The following SFPQ variants were observed in gnomAD, a reference collection of about 807,000 sequenced individuals.
SFPQ encodes the protein splicing factor, proline- and glutamine-rich.
In SFPQ, 11 loss-of-function variants were observed where a neutral mutation model predicts 72.9. That is an observed-to-expected ratio of 0.15 (90% CI 0.09 to 0.25). The LOEUF is 0.25. Ranked by LOEUF, SFPQ falls within the 10% of genes least tolerant of loss-of-function variation. SFPQ has a pLI of 1.00. For synonymous variants in SFPQ, 506 were observed against 367.3 expected, an observed-to-expected ratio of 1.38 and a Z score of -4.32; for missense variants, 847 against 993.3, an observed-to-expected ratio of 0.85 and a Z score of 1.98.
chr1:35,183,755 G>T lies in SFPQ; in HGVS notation c.*701C>A. ...CTTTCAAGTAAAGGATAGATCATAG[G>T]GCCATAAAAGATCCATTTAATCAAA... On this transcript the variant is annotated 3_prime_UTR_variant, in exon 10 of 10. Coordinates refer to ENST00000357214, the MANE Select transcript of SFPQ (RefSeq NM_005066.3). 2 of 1,051,512 alleles carry T rather than the reference G, an allele frequency of 1.9e-6. No individual in the cohort carries two copies. Among genetic ancestry groups the T allele is most frequent in the Non-Finnish European group, 2.3e-6 (2 of 870,308 alleles). 65.1% of individuals were successfully genotyped at this position (1,051,512 alleles called of 1,614,324 possible). A position where few individuals can be genotyped will look rare whatever the true frequency, so the allele number is the denominator to read the frequency against.
At chr1:35,185,991 C>T (rs1463601594) in intron 9 of SFPQ, among the ~76,000 whole-genome samples, 1 of 152,090 alleles carries the variant, frequency 6.6e-6, no homozygotes, top group Non-Finnish European at 1.5e-5. Context: ...AAATGTTACC[C>T]ACATACTCTG....
At chr1:35,189,418 G>T in intron 4 of SFPQ, 36 bp from the exon 5 acceptor site, 1 of 1,497,178 alleles carries the variant, frequency 6.7e-7, no homozygotes, top group Non-Finnish European at 9.3e-7. Flanking sequence ...GAACCGATTT[G>T]TGAATGCATA....
rs1639866641 is a variant in SFPQ at position 35,189,055 on chromosome 1, T to C, written c.1645A>G (p.Met549Val). 1.2e-6 allele frequency: 2 copies of C among 1,613,036 alleles called. No homozygotes were observed. Among genetic ancestry groups the C allele is most frequent in the Non-Finnish European group, 1.7e-6 (2 of 1,179,962 alleles). Reference sequence around the variant, plus strand: ...ATTTCTTGATTGTGAAGTTCTTCCATGCGTCTTAATTCTTCCTGTCGTCTC... The same window carrying C: ...ATTTCTTGATTGTGAAGTTCTTCCACGCGTCTTAATTCTTCCTGTCGTCTC... Reference protein sequence around the residue: ...LMRRQEELRRMEELHNQEMQK... With the variant: ...LMRRQEELRRVEELHNQEMQK... The change falls in exon 6 of 10, where the codon ATG becomes GTG. Residue 549 changes from methionine (M) to valine (V), a missense_variant. Physicochemically the swap from Met to Val is conservative, Grantham distance 21. Coordinates refer to ENST00000357214, the MANE Select transcript of SFPQ (RefSeq NM_005066.3).
chr1:35,191,199 G>C (rs1024476166), intron 2 of SFPQ, 142 bp downstream of exon 2: 3 of 836,010 alleles, frequency 3.6e-6, no homozygotes, highest in Non-Finnish European at 5.6e-6. Context: ...TATACCGCAA[G>C]CATTTTTCCT....
chr1:35,184,452 A>G lies in SFPQ; in HGVS notation c.*4T>C. Reference sequence around the variant, plus strand: ...AAACTGGAATGAAAGCCTAAATATCACATCTAAAATCGGGGTTTTTTGTTT... The same window carrying G: ...AAACTGGAATGAAAGCCTAAATATCGCATCTAAAATCGGGGTTTTTTGTTT... On this transcript the variant is annotated 3_prime_UTR_variant, in exon 10 of 10. Coordinates refer to ENST00000357214, the MANE Select transcript of SFPQ (RefSeq NM_005066.3). The G allele has an allele frequency of 6.2e-7, 1 of 1,604,904 alleles. No homozygotes were observed. The highest frequency in any genetic ancestry group is 8.5e-7 in the Non-Finnish European group (1 of 1,177,154).
Position 35,193,142 on chromosome 1 carries a change from A to C in SFPQ, c.-93T>G. On this transcript the variant is annotated 5_prime_UTR_variant, in exon 1 of 10. Transcript: ENST00000357214. Reference sequence around the variant, plus strand: ...CTTCTCACAAAATGGCGGATGACACAGGCGGCGCGCCGCCTTTGTCCTCGT... The same window carrying C: ...CTTCTCACAAAATGGCGGATGACACCGGCGGCGCGCCGCCTTTGTCCTCGT... The C allele has an allele frequency of 6.8e-7, 1 of 1,470,828 alleles. No homozygotes were observed. Among genetic ancestry groups the C allele is most frequent in the Non-Finnish European group, 8.9e-7 (1 of 1,118,920 alleles). The allele number at this position is 1,470,828 out of a possible 1,614,324, so 91.1% of individuals were successfully genotyped here.
In SFPQ at chr1:35,192,636, G is replaced by A. The variant is rs1463116192; in HGVS notation, c.414C>T (p.Thr138=). The A allele has an allele frequency of 1.4e-6, 2 of 1,380,964 alleles. No homozygotes were observed. Among genetic ancestry groups the A allele is most frequent in the African/African-American group, 3.0e-5 (2 of 65,598 alleles). 85.5% of individuals were successfully genotyped at this position (1,380,964 alleles called of 1,614,324 possible). A position where few individuals can be genotyped will look rare whatever the true frequency, so the allele number is the denominator to read the frequency against. Residue 138 remains threonine, a synonymous_variant, in exon 1 of 10, where the codon ACC becomes ACT. Coordinates refer to ENST00000357214, the MANE Select transcript of SFPQ (RefSeq NM_005066.3). ...GCCCGGACCCTGGCGGGGCCCCCGA[G>A]GTTGGTGGAGTGGCGGGCGGGGCCG... ...SSSAPPATPP[T]SGAPPGSGPG... is the part of the protein sequence containing the mutation.
chr1:35,192,704 C>T lies in SFPQ; in HGVS notation c.346G>A (p.Gly116Ser), dbSNP rs755842285. Residue 116 changes from glycine (G) to serine (S), a missense_variant, in exon 1 of 10, where the codon GGC becomes AGC. Physicochemically the swap from Gly to Ser is moderately conservative, Grantham distance 56. Transcript: ENST00000357214. Reference protein sequence around the residue: ...SSKPVVAQGPGPAPGVGSAPP... With the variant: ...SSKPVVAQGPSPAPGVGSAPP... Reference sequence around the variant, plus strand: ...GCGCTGCCTACTCCGGGAGCGGGGCCGGGTCCCTGAGCAACGACGGGCTTG... The same window carrying T: ...GCGCTGCCTACTCCGGGAGCGGGGCTGGGTCCCTGAGCAACGACGGGCTTG... 9 of 1,455,662 alleles carry T rather than the reference C, an allele frequency of 6.2e-6. No homozygotes were observed. In the Admixed American group the frequency reaches 7.5e-5, roughly 12 times the overall value. 90.2% of individuals were successfully genotyped at this position (1,455,662 alleles called of 1,614,324 possible).
chr1:35,181,179 T>TAC (rs1639450916), downstream of SFPQ: 1 of 1,065,296 alleles, frequency 9.4e-7, no homozygotes, highest in Non-Finnish European at 1.1e-6. Flanking sequence ...GCAGGAATAC[T>TAC]ACATCCGGGT....
intron 4 of SFPQ, among the ~76,000 whole-genome samples, chr1:35,189,913 T>C (rs1048057690): frequency 6.6e-6 from 1 of 151,524 alleles, no homozygotes; most frequent in Non-Finnish European, 1.5e-5. Context: ...ATCACACCAC[T>C]GCACTCCAGC....
In SFPQ at chr1:35,183,722, T is replaced by C; in HGVS notation, c.*734A>G. 2.9e-6 allele frequency: 3 copies of C among 1,046,742 alleles called. No individual in the cohort carries two copies. Among genetic ancestry groups the C allele is most frequent in the Non-Finnish European group, 3.5e-6 (3 of 867,260 alleles). 64.8% of individuals were successfully genotyped at this position (1,046,742 alleles called of 1,614,324 possible). A position where few individuals can be genotyped will look rare whatever the true frequency, so the allele number is the denominator to read the frequency against. ...ATGCAACAAAATGACCTTTCCACTT[T>C]TCAAAAGCTTTCAAGTAAAGGATAG... On this transcript the variant is annotated 3_prime_UTR_variant, in exon 10 of 10. Coordinates refer to ENST00000357214, the MANE Select transcript of SFPQ (RefSeq NM_005066.3).
At chr1:35,181,966 A>G, downstream of SFPQ, 5 of 985,336 alleles carry the variant, frequency 5.1e-6, no homozygotes, top group Non-Finnish European at 6.0e-6. Flanking sequence ...GCAACTCTAC[A>G]GTCCACAGTA....
chr1:35,176,978 G>T (rs532729577), intron 5 of SFPQ, among the ~76,000 whole-genome samples: 1 of 152,290 alleles, frequency 6.6e-6, no homozygotes, highest in South Asian at 2.1e-4. Flanking sequence ...CACTTTGGGA[G>T]GCCAAGGTGG....
chr1:35,183,203 T>C lies in SFPQ; in HGVS notation c.*1253A>G, dbSNP rs571722132. The C allele has an allele frequency of 1.9e-4, 187 of 1,009,680 alleles. No individual in the cohort carries two copies. The highest frequency in any genetic ancestry group is 2.1e-4 in the Non-Finnish European group (177 of 842,394). 62.5% of individuals were successfully genotyped at this position (1,009,680 alleles called of 1,614,324 possible). A position where few individuals can be genotyped will look rare whatever the true frequency, so the allele number is the denominator to read the frequency against. On this transcript the variant is annotated 3_prime_UTR_variant, in exon 10 of 10. Coordinates refer to ENST00000357214, the MANE Select transcript of SFPQ (RefSeq NM_005066.3). ...TACAGAGTACAAATGTATATATAAC[T>C]AAACCTACTTCAGTACTAAACCTTT...
downstream of SFPQ, chr1:35,179,155 T>C: frequency 2.8e-6 from 3 of 1,060,248 alleles, no homozygotes; most frequent in Non-Finnish European, 3.4e-6. Flanking sequence ...ACATCCTGGC[T>C]CTCTAAAACC....
chr1:35,192,425 C>CTTT lies in SFPQ; in HGVS notation c.622_624dup (p.Lys208dup). ...TTCGGCCCGCCAGGCATTTTGCCGCCTTTGGGACCACCCGGACCTGGGCCC... is the reference window on the plus strand; with the variant it reads ...TTCGGCCCGCCAGGCATTTTGCCGCCTTTTTTGGGACCACCCGGACCTGGGCCC... On this transcript the variant is annotated inframe_insertion, in exon 1 of 10. Coordinates refer to ENST00000357214, the MANE Select transcript of SFPQ (RefSeq NM_005066.3). The CTTT allele has an allele frequency of 7.0e-7, 1 of 1,426,526 alleles. No homozygotes were observed. Among genetic ancestry groups the CTTT allele is most frequent in the Non-Finnish European group, 9.1e-7 (1 of 1,098,150 alleles). 88.4% of individuals were successfully genotyped at this position (1,426,526 alleles called of 1,614,324 possible). A position where few individuals can be genotyped will look rare whatever the true frequency, so the allele number is the denominator to read the frequency against.
At position 35,183,543 on chromosome 1, in the gene SFPQ, G is replaced by C; in HGVS notation, c.*913C>G. On this transcript the variant is annotated 3_prime_UTR_variant, in exon 10 of 10. Transcript: ENST00000357214. ...AGTTACTAAACCTTCTTACTTTCAAGTTTTGTTTTTTAGACTACACCCCAT... is the reference window on the plus strand; with the variant it reads ...AGTTACTAAACCTTCTTACTTTCAACTTTTGTTTTTTAGACTACACCCCAT... The C allele has an allele frequency of 9.8e-7, 1 of 1,016,146 alleles. No individual in the cohort carries two copies. Among genetic ancestry groups the C allele is most frequent in the South Asian group, 4.6e-5 (1 of 21,532 alleles). The allele number at this position is 1,016,146 out of a possible 1,614,324, so 62.9% of individuals were successfully genotyped here. A position where few individuals can be genotyped will look rare whatever the true frequency, so the allele number is the denominator to read the frequency against.
In SFPQ at chr1:35,192,071, A is replaced by ACGGCCCCGCAGG. The variant is rs1553154266; in HGVS notation, c.828+139_828+150dup. Reference sequence around the variant, plus strand: ...GCGGCGGCCAATCCCCCGCCGACCGACGGCCCCGCAGGCCGCCCCGCCCCC... The same window carrying ACGGCCCCGCAGG: ...GCGGCGGCCAATCCCCCGCCGACCGACGGCCCCGCAGGCGGCCCCGCAGGCCGCCCCGCCCCC... On this transcript the variant is annotated intron_variant, in intron 1 of 9. Transcript: ENST00000357214. 51 of 474,910 alleles carry ACGGCCCCGCAGG rather than the reference A, an allele frequency of 1.1e-4. No individual in the cohort carries two copies. The East Asian group carries it at 2.1e-3, about 19-fold the overall frequency. The allele number at this position is 474,910 out of a possible 1,614,324, so 29.4% of individuals were successfully genotyped here.
In SFPQ at chr1:35,183,742, G is replaced by A; in HGVS notation, c.*714C>T. ...CACTTTTCAAAAGCTTTCAAGTAAA[G>A]GATAGATCATAGGGCCATAAAAGAT... On this transcript the variant is annotated 3_prime_UTR_variant, in exon 10 of 10. Coordinates refer to ENST00000357214, the MANE Select transcript of SFPQ (RefSeq NM_005066.3). 1.9e-6 allele frequency: 2 copies of A among 1,050,142 alleles called. No individual in the cohort carries two copies. The highest frequency in any genetic ancestry group is 2.3e-6 in the Non-Finnish European group (2 of 869,402). 65.1% of individuals were successfully genotyped at this position (1,050,142 alleles called of 1,614,324 possible). A position where few individuals can be genotyped will look rare whatever the true frequency, so the allele number is the denominator to read the frequency against.
Sources: allele counts gnomAD v4.1 joint callset (sites outside exome capture counted in the v4.1 genomes callset), GRCh38; gene constraint gnomAD v4.1.1; transcripts MANE v1.5; gene names NCBI Gene and HGNC (gene_info 2026-07-23, HGNC 2026-07-21).